ABCA4: variants seen among roughly 807,000 people sequenced by gnomAD.
The protein encoded by ABCA4 is retinal-specific phospholipid-transporting ATPase ABCA4.
Under a neutral mutation model 263.7 loss-of-function variants are expected in ABCA4, and 196 were observed. That is an observed-to-expected ratio of 0.74 (90% CI 0.66 to 0.84). The LOEUF (loss-of-function observed/expected upper bound fraction) is 0.84, where lower values mean the gene tolerates loss of function less well. ABCA4 is among the 40% of genes least tolerant of loss of function. ABCA4 has a pLI of 0.00. For synonymous variants in ABCA4, 1,133 were observed against 1,094.2 expected (o/e 1.04, Z -0.70); for missense variants, 2,792 against 2,855.1 (o/e 0.98, Z 0.50).
chr1:94,102,949 C>T (rs1429128659), intron 5 of ABCA4, 66 bp downstream of exon 5: 10 of 1,602,466 alleles, frequency 6.2e-6, no homozygotes, highest in Non-Finnish European at 7.7e-6. Flanking sequence ...CAATATATTT[C>T]TTGCCTTTCT....
rs548515650 is a variant in ABCA4 at position 94,032,600 on chromosome 1, A to C, written c.3863-557T>G. On this transcript the variant is annotated intron_variant, in intron 26 of 49. Coordinates refer to ENST00000370225, the MANE Select transcript of ABCA4 (RefSeq NM_000350.3). The stretch of plus-strand genomic sequence containing the variant: ...GCGTAAGCCGAGATTGCAAGACTGC[A>C]CTCCAGCCTGGGTGACAGAGCAAGA... Among the ~76,000 whole-genome samples the C allele has an allele frequency of 7.9e-5, 12 of 152,350 alleles. No homozygotes were observed. In the South Asian group the frequency reaches 2.5e-3, roughly 32 times the overall value.
rs61748520 is a variant in ABCA4 at position 94,001,046 on chromosome 1, C to G, written c.6342G>C (p.Val2114=). Residue 2114 remains valine, a synonymous_variant, in exon 46 of 50, where the codon GTG becomes GTC. Coordinates refer to ENST00000370225, the MANE Select transcript of ABCA4 (RefSeq NM_000350.3). The stretch of plus-strand genomic sequence containing the variant: ...CAGCCCTCCCTTCTCTGATGATGCT[C>G]ACGATGACGTTCCACAGCATGCGGC... ...QARRMLWNVI[V]SIIREGRAVV... The G allele has an allele frequency of 3.1e-6, 5 of 1,614,196 alleles. No individual in the cohort carries two copies. In the East Asian group the frequency reaches 6.7e-5, roughly 22 times the overall value.
In ABCA4 at chr1:94,098,989, G is replaced by T; in HGVS notation, c.573C>A (p.Phe191Leu). The change falls in exon 6 of 50, where the codon TTC becomes TTA. Residue 191 changes from phenylalanine to leucine, a missense_variant and splice_region_variant. Coordinates refer to ENST00000370225, the MANE Select transcript of ABCA4 (RefSeq NM_000350.3). The part of the protein sequence containing the change: ...LINSQVRPEQ[F>L]AHGVPDLALK... ...GCGCCAGGTCCGGGACTCCATGAGC[G>T]AACTGCAGGGAGAAGAGGCAACACT... 6.2e-7 allele frequency: 1 copy of T among 1,605,092 alleles called. No homozygotes were observed. Among genetic ancestry groups the T allele is most frequent in the South Asian group, 1.1e-5 (1 of 90,844 alleles).
At chr1:94,116,859 C>G (rs1329071891) in intron 1 of ABCA4, among the ~76,000 whole-genome samples, 1 of 152,172 alleles carries the variant, frequency 6.6e-6, no homozygotes, top group African/African-American at 2.4e-5. Flanking sequence ...CCAGCCAAGG[C>G]TCAGAAGGGC....
At chr1:94,017,093 C>T (rs1659766495) in intron 36 of ABCA4, among the ~76,000 whole-genome samples, 2 of 151,958 alleles carry the variant, frequency 1.3e-5, no homozygotes. Context: ...ACACATGAAC[C>T]ATGACTGCAT....
At chr1:94,004,409 A>G (rs1253752278) in intron 44 of ABCA4, among the ~76,000 whole-genome samples, 2 of 152,106 alleles carry the variant, frequency 1.3e-5, no homozygotes, top group Non-Finnish European at 2.9e-5. Flanking sequence ...ACACATCTAA[A>G]ATTTTCAGAA....
Position 94,005,525 on chromosome 1 carries a change from A to C in ABCA4, c.6063T>G (p.Asp2021Glu). ...HQNMGYCPQF[D>E]AIDELLTGRE... ...GTCCTGTGAGCAGCTCATCAATTGC[A>C]TCAAACTGAGGACAGTAGCCCATAT... Residue 2021 changes from aspartate to glutamate, a missense_variant, in exon 44 of 50, where the codon GAT becomes GAG. Asp to Glu is a conservative substitution (Grantham distance 45). Coordinates refer to ENST00000370225, the MANE Select transcript of ABCA4 (RefSeq NM_000350.3). 6.2e-7 allele frequency: 1 copy of C among 1,614,192 alleles called. No individual in the cohort carries two copies. Among genetic ancestry groups the C allele is most frequent in the Non-Finnish European group, 8.5e-7 (1 of 1,180,008 alleles).
At chr1:94,100,436 C>A (rs1011122322) in intron 5 of ABCA4, among the ~76,000 whole-genome samples, 2 of 152,206 alleles carry the variant, frequency 1.3e-5, no homozygotes, top group African/African-American at 2.4e-5. Flanking sequence ...GGTTAATTAA[C>A]TTGCCTGAAG....
chr1:94,060,600 G>A lies in ABCA4; in HGVS notation c.2097C>T (p.Thr699=). 6.2e-7 allele frequency: 1 copy of A among 1,614,128 alleles called. No homozygotes were observed. The highest frequency in any genetic ancestry group is 1.3e-5 in the African/African-American group (1 of 75,020). Residue 699 remains threonine, a synonymous_variant, in exon 14 of 50, where the codon ACC becomes ACT. Transcript: ENST00000370225. The part of the protein sequence containing the change: ...QGVSNAVIWC[T]WFLDSFSIMS... ...TGATGGAGAAGCTGTCCAGGAACCAGGTACACCAAATCACTGCATTGGAGA... is the reference window on the plus strand; with the variant it reads ...TGATGGAGAAGCTGTCCAGGAACCAAGTACACCAAATCACTGCATTGGAGA...
Position 93,998,049 on chromosome 1 carries a change from C to T in ABCA4, c.6541G>A (p.Asp2181Asn). 2.5e-6 allele frequency: 4 copies of T among 1,614,196 alleles called. No individual in the cohort carries two copies. Among genetic ancestry groups the T allele is most frequent in the Non-Finnish European group, 3.4e-6 (4 of 1,180,028 alleles). ...AAGAACTGCTCCACAGGGTTCAGGT[C>T]AGGAAGCAGGTCGTCCTTCGGGGAT... Reference protein sequence around the residue: ...IKSPKDDLLPDLNPVEQFFQG... With the variant: ...IKSPKDDLLPNLNPVEQFFQG... The change falls in exon 48 of 50, where the codon GAC (aspartate) becomes AAC (asparagine). Residue 2181 changes from aspartate (D) to asparagine (N), a missense_variant. Coordinates refer to ENST00000370225, the MANE Select transcript of ABCA4 (RefSeq NM_000350.3).
intron 11 of ABCA4, among the ~76,000 whole-genome samples, chr1:94,067,470 G>T (rs912549944): frequency 6.6e-5 from 10 of 152,004 alleles, no homozygotes; most frequent in Non-Finnish European, 8.8e-5. Context: ...GATAATCTCT[G>T]GGGGAAAAAA....
intron 30 of ABCA4, 58 bp downstream of exon 30, chr1:94,029,387 T>C: frequency 7.1e-7 from 1 of 1,410,526 alleles, no homozygotes; most frequent in Non-Finnish European, 9.5e-7. Context: ...TACCAGGGAC[T>C]CCCCTAGTCC....
At chr1:94,072,666 G>A (rs975593848) in intron 11 of ABCA4, among the ~76,000 whole-genome samples, 3 of 152,168 alleles carry the variant, frequency 2.0e-5, no homozygotes, top group South Asian at 2.1e-4. Flanking sequence ...ATATTTGCCT[G>A]TATGAGGACC....
At position 93,992,972 on chromosome 1, in the gene ABCA4, C is replaced by G. The variant is rs1163729918; in HGVS notation, c.*265G>C. ...GGCCAAAGCTGCTAGTGGGATGGCC[C>G]GGGGTTTCTAGTTCTGGGGTCTGGA... On this transcript the variant is annotated 3_prime_UTR_variant, in exon 50 of 50. Transcript: ENST00000370225. The G allele has an allele frequency of 1.7e-5, 9 of 541,628 alleles. 1 individual carries two copies. In the South Asian group the frequency reaches 2.0e-4, roughly 12 times the overall value. The allele number at this position is 541,628 out of a possible 1,614,324, so 33.6% of individuals were successfully genotyped here.
rs779172539 is a variant in ABCA4, at chr1:94,019,259, T to G, written c.5196+323A>C. The stretch of plus-strand genomic sequence containing the variant: ...TCATATTACCTTCTCAGCGCCAGAC[T>G]GATGCCAGGAAGGCCAGACTCATGC... On this transcript the variant is annotated intron_variant, in intron 36 of 49. Transcript: ENST00000370225. 9.1e-4 allele frequency: 240 copies of G among 263,230 alleles called. 1 individual carries two copies. Among genetic ancestry groups the G allele is most frequent in the Middle Eastern group, 1.3e-3 (1 of 778 alleles). The allele number at this position is 263,230 out of a possible 1,614,324, so 16.3% of individuals were successfully genotyped here.
intron 29 of ABCA4, 44 bp from the exon 30 acceptor site, chr1:94,029,675 G>A (rs1302447317): frequency 1.3e-6 from 2 of 1,575,922 alleles, no homozygotes; most frequent in Non-Finnish European, 8.7e-7. Flanking sequence ...CCTCAAAGTT[G>A]CTGACAAATC....
At chr1:94,015,443 T>G (rs1002633085) in intron 37 of ABCA4, among the ~76,000 whole-genome samples, 1 of 141,610 alleles carries the variant, frequency 7.1e-6, no homozygotes, top group African/African-American at 2.8e-5. Flanking sequence ...GGTTGGGGAA[T>G]GGCTGCCCCC....
intron 24 of ABCA4, among the ~76,000 whole-genome samples, chr1:94,039,631 A>C (rs1436980016): frequency 6.6e-6 from 1 of 152,180 alleles, no homozygotes; most frequent in Admixed American, 6.5e-5. Flanking sequence ...TGCCATCCAC[A>C]TGTGCAATCT....
chr1:94,093,229 A>G (rs1178699212), intron 6 of ABCA4, among the ~76,000 whole-genome samples: 4 of 152,200 alleles, frequency 2.6e-5, no homozygotes, highest in African/African-American at 7.2e-5. Context: ...TAAAGAATGC[A>G]TATTAGTGGT....
Sources: allele counts gnomAD v4.1 joint callset (sites outside exome capture counted in the v4.1 genomes callset), GRCh38; gene constraint gnomAD v4.1.1; transcripts MANE v1.5; gene names NCBI Gene and HGNC (gene_info 2026-07-23, HGNC 2026-07-21).